The following RIC1 variants were observed in gnomAD, a reference collection of about 807,000 sequenced individuals.
RIC1 encodes the protein RIC1 partner of RAB6A GEF complex.
Under a neutral mutation model 169.0 loss-of-function variants are expected in RIC1, and 88 were observed. The observed-to-expected ratio is 0.52, with a 90% CI of 0.44 to 0.62. The LOEUF is 0.62. Ranked by LOEUF, RIC1 falls within the 20% of genes least tolerant of loss-of-function variation. RIC1 has a pLI of 0.00. For synonymous variants in RIC1, 790 were observed against 601.5 expected, an observed-to-expected ratio of 1.31 and a Z score of -4.59; for missense variants, 1,877 against 1,725.5, an observed-to-expected ratio of 1.09 and a Z score of -1.56.
chr9:5,698,766 T>G (rs1822049674), intron 3 of RIC1, among the ~76,000 whole-genome samples: 1 of 152,204 alleles, frequency 6.6e-6, no homozygotes, highest in Admixed American at 6.5e-5. Flanking sequence ...GTGATTAGAT[T>G]CTTAATAAGT....
intron 1 of RIC1, among the ~76,000 whole-genome samples, chr9:5,641,921 C>T (rs1818272242): frequency 6.9e-6 from 1 of 144,112 alleles, no homozygotes; most frequent in African/African-American, 2.9e-5. Flanking sequence ...GGATTGGTCC[C>T]TGCCTTACTT....
At chr9:5,692,774 G>C in intron 3 of RIC1, among the ~76,000 whole-genome samples, 1 of 152,030 alleles carries the variant, frequency 6.6e-6, no homozygotes, top group Non-Finnish European at 1.5e-5. Flanking sequence ...GGAAAGTAAA[G>C]TTTGGTTTTG....
At chr9:5,773,581 C>T (rs889125228) in intron 25 of RIC1, among the ~76,000 whole-genome samples, 1 of 152,184 alleles carries the variant, frequency 6.6e-6, no homozygotes, top group Non-Finnish European at 1.5e-5. Flanking sequence ...CTAGTTACTT[C>T]CCTTACTTGG....
intron 12 of RIC1, chr9:5,748,535 C>T (rs1274799776): frequency 6.6e-6 from 1 of 152,626 alleles, no homozygotes; most frequent in Non-Finnish European, 1.5e-5. Flanking sequence ...TAAAACTGCA[C>T]TAGCTACTTC....
intron 6 of RIC1, among the ~76,000 whole-genome samples, chr9:5,731,512 C>T (rs1336552459): frequency 6.6e-6 from 1 of 151,946 alleles, no homozygotes. Flanking sequence ...TAGGATCATC[C>T]AAAAATAAAG....
chr9:5,701,696 C>G (rs770413327), intron 3 of RIC1, among the ~76,000 whole-genome samples: 10 of 151,770 alleles, frequency 6.6e-5, no homozygotes, highest in Non-Finnish European at 1.5e-4. Flanking sequence ...TTAACTTTTG[C>G]TCTGTATAAT....
At chr9:5,749,846 T>G (rs895530571) in intron 12 of RIC1, among the ~76,000 whole-genome samples, 35 of 139,266 alleles carry the variant, frequency 2.5e-4, no homozygotes, top group African/African-American at 8.6e-4. Context: ...TGGCGTGATC[T>G]CAGCTCACTG....
chr9:5,684,089 T>C (rs1301300597), intron 2 of RIC1, among the ~76,000 whole-genome samples: 2 of 151,912 alleles, frequency 1.3e-5, no homozygotes, highest in African/African-American at 4.8e-5. Context: ...CCCCTTGCGC[T>C]TCCCAGGTGA....
chr9:5,724,501 G>A (rs1823825965), intron 6 of RIC1, among the ~76,000 whole-genome samples: 1 of 152,182 alleles, frequency 6.6e-6, no homozygotes, highest in South Asian at 2.1e-4. Flanking sequence ...CATGTCATCT[G>A]CAAACAGGGA....
Position 5,747,515 on chromosome 9 carries a change from T to C in RIC1, c.1452+10T>C, listed in dbSNP as rs764966648. The C allele has an allele frequency of 1.1e-5, 17 of 1,601,498 alleles. No individual in the cohort carries two copies. Among genetic ancestry groups the C allele is most frequent in the Non-Finnish European group, 1.3e-5 (15 of 1,168,546 alleles). The stretch of plus-strand genomic sequence containing the variant: ...TTGGCATGTTGTACAGGTAAATCTT[T>C]AGTTACTGATTACTAGAGACTTATT... On this transcript the variant is annotated intron_variant, in intron 12 of 25. Transcript: ENST00000414202.
intron 1 of RIC1, among the ~76,000 whole-genome samples, chr9:5,654,854 G>C (rs1163786111): frequency 2.0e-5 from 3 of 152,012 alleles, no homozygotes; most frequent in Non-Finnish European, 4.4e-5. Context: ...CGCCTGGCCT[G>C]CAAATGTGTT....
At chr9:5,649,799 C>G (rs1818705808) in intron 1 of RIC1, among the ~76,000 whole-genome samples, 1 of 151,106 alleles carries the variant, frequency 6.6e-6, no homozygotes, top group African/African-American at 2.4e-5. Context: ...TCTGGTGTAA[C>G]AGTTGCTTCT....
rs1826510647 is a variant in RIC1, at chr9:5,763,990, A to G, written c.2841+122A>G. 1 of 1,114,724 alleles carries G rather than the reference A, an allele frequency of 9.0e-7. No homozygotes were observed. Among genetic ancestry groups the G allele is most frequent in the African/African-American group, 1.6e-5 (1 of 64,104 alleles). 69.1% of individuals were successfully genotyped at this position (1,114,724 alleles called of 1,614,324 possible). A position where few individuals can be genotyped will look rare whatever the true frequency, so the allele number is the denominator to read the frequency against. ...ATTCATAGTCAAATTTTCTGTTTATATCTTTAATTTGGAAGAATTCAGACA... is the reference window on the plus strand; with the variant it reads ...ATTCATAGTCAAATTTTCTGTTTATGTCTTTAATTTGGAAGAATTCAGACA... On this transcript the variant is annotated intron_variant, in intron 19 of 25. Transcript: ENST00000414202. This position sits in a 1 kb window ranked among gnomAD's most constrained non-coding sequence, Gnocchi z 5.2.
At chr9:5,729,252 C>T (rs950695295) in intron 6 of RIC1, among the ~76,000 whole-genome samples, 4 of 152,092 alleles carry the variant, frequency 2.6e-5, no homozygotes, top group African/African-American at 9.7e-5. Context: ...TTTTGTTTTT[C>T]TCCAAAGAAA....
At chr9:5,722,137 C>T (rs540828149) in intron 6 of RIC1, among the ~76,000 whole-genome samples, 2 of 151,860 alleles carry the variant, frequency 1.3e-5, no homozygotes, top group Non-Finnish European at 2.9e-5. Flanking sequence ...ATCCACCCAC[C>T]TCAGCCTCCC....
At chr9:5,728,957 CTGAG>C (rs1157492428) in intron 6 of RIC1, among the ~76,000 whole-genome samples, 2 of 152,108 alleles carry the variant, frequency 1.3e-5, no homozygotes, top group African/African-American at 4.8e-5. Context: ...GATGAGCTGA[CTGAG>C]TTATTTACTT....
chr9:5,729,497 T>G (rs143974014), intron 6 of RIC1, among the ~76,000 whole-genome samples: 2 of 152,228 alleles, frequency 1.3e-5, no homozygotes, highest in Admixed American at 6.5e-5. Flanking sequence ...CTCATTGATA[T>G]GCTTTCCAGC....
intron 1 of RIC1, among the ~76,000 whole-genome samples, chr9:5,630,571 G>A (rs1414441734): frequency 1.3e-5 from 2 of 152,168 alleles, no homozygotes; most frequent in Admixed American, 6.5e-5. Context: ...ATTTAGTGAC[G>A]GGTAATTCTG....
chr9:5,706,647 T>C (rs1175941573), intron 3 of RIC1, among the ~76,000 whole-genome samples: 5 of 152,210 alleles, frequency 3.3e-5, no homozygotes, highest in African/African-American at 7.2e-5. Context: ...GGTCTATTCA[T>C]ATGTTTTATT....
Sources: gnomAD v4.1 joint callset for allele counts (sites outside exome capture counted in the v4.1 genomes callset) on GRCh38, gnomAD v4.1.1 for gene constraint, Gnocchi (gnomAD v3.1) non-coding constraint, MANE v1.5 for transcripts, NCBI Gene and HGNC (gene_info 2026-07-23, HGNC 2026-07-21) for gene names.